The following ARHGAP31 variants were observed in gnomAD, a reference collection of about 807,000 sequenced individuals.
The protein encoded by ARHGAP31 is rho GTPase-activating protein 31.
ARHGAP31 carries 34 observed loss-of-function variants against 113.9 expected under a neutral mutation model. That is an observed-to-expected ratio of 0.30 (90% CI 0.23 to 0.40). The LOEUF is 0.40. Among genes scored for constraint, ARHGAP31 ranks in the 10% least tolerant of loss-of-function variants. The pLI is 1.00. For missense variants in ARHGAP31, 1,548 were observed against 1,767.1 expected (o/e 0.88, Z 2.22); for synonymous variants, 650 against 684.8 (o/e 0.95, Z 0.79).
chr3:119,331,298 G>A (rs944046720), intron 1 of ARHGAP31, among the ~76,000 whole-genome samples: 1 of 151,968 alleles, frequency 6.6e-6, no homozygotes, highest in Non-Finnish European at 1.5e-5. Context: ...TTGTATTTGG[G>A]AAAAAAAGAC....
At chr3:119,345,367 G>A (rs1482368718) in intron 1 of ARHGAP31, among the ~76,000 whole-genome samples, 2 of 152,142 alleles carry the variant, frequency 1.3e-5, no homozygotes, top group Non-Finnish European at 2.9e-5. Context: ...AGAGCAGCAG[G>A]TGTCCTCTGG....
intron 3 of ARHGAP31, among the ~76,000 whole-genome samples, chr3:119,376,254 T>G (rs1000403546): frequency 1.8e-4 from 28 of 152,258 alleles, no homozygotes; most frequent in African/African-American, 6.7e-4. Flanking sequence ...TTCGGGAGGC[T>G]GAGGTGGGCG....
chr3:119,329,220 A>G (rs1027098274), intron 1 of ARHGAP31, among the ~76,000 whole-genome samples: 1 of 152,208 alleles, frequency 6.6e-6, no homozygotes, highest in African/African-American at 2.4e-5. Context: ...TGCCTTCTAG[A>G]TCATGGTGGC....
rs59860542 is a variant in ARHGAP31 at position 119,296,332 on chromosome 3, A to G, written c.100+1328A>G. Among the ~76,000 whole-genome samples the G allele has an allele frequency of 1.2e-3, 183 of 152,346 alleles. 1 individual carries two copies. The highest frequency in any genetic ancestry group is 4.3e-3 in the African/African-American group (177 of 41,578). On this transcript the variant is annotated intron_variant, in intron 1 of 11. Transcript: ENST00000264245. ...TCTTTTGAAATTGATGCATAACTTA[A>G]CACTTCATTGAATCCTCACCAACCA... is the stretch of plus-strand genomic sequence containing the variant.
At chr3:119,305,804 C>T (rs551625572) in intron 1 of ARHGAP31, among the ~76,000 whole-genome samples, 5 of 152,294 alleles carry the variant, frequency 3.3e-5, no homozygotes, top group South Asian at 2.1e-4. Flanking sequence ...AGGACAGAAA[C>T]GCTGCTTGGG....
At chr3:119,307,993 G>T in intron 1 of ARHGAP31, among the ~76,000 whole-genome samples, 1 of 139,122 alleles carries the variant, frequency 7.2e-6, no homozygotes. Context: ...CAGCAGCAGA[G>T]TATATAGATC....
chr3:119,413,864 T>C lies in ARHGAP31; in HGVS notation c.1935T>C (p.Asp645=). ...TTATTGATGTTTTTCAGGATGAAGATGATCTGGCCAATGCCCTGATCTGGC... is the reference window on the plus strand; with the variant it reads ...TTATTGATGTTTTTCAGGATGAAGACGATCTGGCCAATGCCCTGATCTGGC... The part of the protein sequence containing the change: ...EAVLLHEMDE[D]DLANALIWPE... The change falls in exon 12 of 12, where the codon GAT becomes GAC. Residue 645 remains aspartate (D), a synonymous_variant. Transcript: ENST00000264245. 1.2e-6 allele frequency: 2 copies of C among 1,614,238 alleles called. No homozygotes were observed. Among genetic ancestry groups the C allele is most frequent in the South Asian group, 2.2e-5 (2 of 91,082 alleles).
rs372044693 is a variant in ARHGAP31 at position 119,390,827 on chromosome 3, C to A, written c.725C>A (p.Ser242Tyr). ...IMKSLTLPAL[S>Y]LPMKLVSLEE... ...AAGAGCCTGACCTTGCCAGCCCTCT[C>A]CCTGCCCATGAAGCTGGTGAGCCTT... is the stretch of plus-strand genomic sequence containing the variant. The change falls in exon 7 of 12, where the codon TCC becomes TAC. Residue 242 changes from serine (S) to tyrosine (Y), a missense_variant. Coordinates refer to ENST00000264245, the MANE Select transcript of ARHGAP31 (RefSeq NM_020754.4). 7 of 1,613,364 alleles carry A rather than the reference C, an allele frequency of 4.3e-6. No individual in the cohort carries two copies. In the African/African-American group the frequency reaches 9.3e-5, roughly 22 times the overall value.
At position 119,392,944 on chromosome 3, in the gene ARHGAP31, C is replaced by T. The variant is rs147109105; in HGVS notation, c.882-523C>T. ...TGCATATGGTCTTTAGTGTTTACTC[C>T]TGTATAAAAACTGGCCATGTGTGGT... On this transcript the variant is annotated intron_variant, in intron 7 of 11. Transcript: ENST00000264245. Among the ~76,000 whole-genome samples the T allele has an allele frequency of 9.2e-5, 14 of 152,270 alleles. No individual in the cohort carries two copies. The East Asian group carries it at 2.7e-3, about 29-fold the overall frequency.
Position 119,415,741 on chromosome 3 carries a change from A to G in ARHGAP31, c.3812A>G (p.Lys1271Arg). ...CCAAAGCAAGATCCCGGAGCCATTA[A>G]GTCCTCACCAGTGGATGCCACTGCA... is the stretch of plus-strand genomic sequence containing the variant. ...EKPKQDPGAI[K>R]SSPVDATAPC... Residue 1271 changes from lysine (K) to arginine (R), a missense_variant, in exon 12 of 12, where the codon AAG (lysine) becomes AGG (arginine). Lys to Arg is a conservative substitution (Grantham distance 26). Transcript: ENST00000264245. The G allele has an allele frequency of 6.2e-7, 1 of 1,614,186 alleles. No individual in the cohort carries two copies. The highest frequency in any genetic ancestry group is 8.5e-7 in the Non-Finnish European group (1 of 1,180,026).
chr3:119,335,948 G>A lies in ARHGAP31; in HGVS notation c.101-29368G>A, dbSNP rs888530924. Among the ~76,000 whole-genome samples, 6 of 152,120 alleles carry A rather than the reference G, an allele frequency of 3.9e-5. No individual in the cohort carries two copies. The East Asian group carries it at 5.8e-4, about 15-fold the overall frequency. On this transcript the variant is annotated intron_variant, in intron 1 of 11. Coordinates refer to ENST00000264245, the MANE Select transcript of ARHGAP31 (RefSeq NM_020754.4). ...AGCATTTTGGGAGGCCAAGGTGTGCGGATCACTTGAGGTCAGGAGGTCGAG... is the reference window on the plus strand; with the variant it reads ...AGCATTTTGGGAGGCCAAGGTGTGCAGATCACTTGAGGTCAGGAGGTCGAG...
intron 1 of ARHGAP31, among the ~76,000 whole-genome samples, chr3:119,362,791 G>A: frequency 6.7e-6 from 1 of 149,636 alleles, no homozygotes; most frequent in East Asian, 1.9e-4. Flanking sequence ...AAAGGCGGGG[G>A]GTGGAGTAGA....
At chr3:119,382,652 T>A (rs2080411827) in intron 5 of ARHGAP31, among the ~76,000 whole-genome samples, 1 of 152,226 alleles carries the variant, frequency 6.6e-6, no homozygotes. Flanking sequence ...TATGGGTCTG[T>A]ATGTTAAAAT....
At position 119,416,052 on chromosome 3, in the gene ARHGAP31, C is replaced by T. The variant is rs548517177; in HGVS notation, c.4123C>T (p.Pro1375Ser). 4 of 1,614,200 alleles carry T rather than the reference C, an allele frequency of 2.5e-6. No homozygotes were observed. The African/African-American group carries it at 4.0e-5, about 16-fold the overall frequency. ...TVTDSKVLLS[P>S]IRSPTQTVSP... Reference sequence around the variant, plus strand: ...GACAGATTCCAAGGTCCTGCTGTCCCCTATCAGAAGTCCCACCCAGACAGT... The same window carrying T: ...GACAGATTCCAAGGTCCTGCTGTCCTCTATCAGAAGTCCCACCCAGACAGT... Residue 1375 changes from proline to serine, a missense_variant, in exon 12 of 12, where the codon CCT (proline) becomes TCT (serine). Physicochemically the swap from Pro to Ser is moderately conservative, Grantham distance 74. Transcript: ENST00000264245.
At chr3:119,337,190 G>A (rs1228843047) in intron 1 of ARHGAP31, among the ~76,000 whole-genome samples, 1 of 152,190 alleles carries the variant, frequency 6.6e-6, no homozygotes. Flanking sequence ...AGTTCTTAGA[G>A]ACGGTTTATC....
intron 1 of ARHGAP31, among the ~76,000 whole-genome samples, chr3:119,357,074 A>G (rs2080164940): frequency 6.6e-6 from 1 of 152,188 alleles, no homozygotes; most frequent in Non-Finnish European, 1.5e-5. Flanking sequence ...AAACTTAGGT[A>G]CCTTTGCCAA....
At chr3:119,375,382 G>A (rs72966417) in intron 3 of ARHGAP31, among the ~76,000 whole-genome samples, 2,711 of 152,158 alleles carry the variant, frequency 0.018, 89 homozygotes, top group African/African-American at 0.062. Context: ...CTGCCTCCAG[G>A]GCCACATTGC....
chr3:119,334,509 G>A (rs540299120), intron 1 of ARHGAP31, among the ~76,000 whole-genome samples: 30 of 152,314 alleles, frequency 2.0e-4, no homozygotes, highest in African/African-American at 6.5e-4. Flanking sequence ...TGGTCCCCTC[G>A]AAGTCATGCC....
At chr3:119,332,846 G>A (rs1227675032) in intron 1 of ARHGAP31, among the ~76,000 whole-genome samples, 1 of 152,082 alleles carries the variant, frequency 6.6e-6, no homozygotes, top group Non-Finnish European at 1.5e-5. Flanking sequence ...CAGAGGTCAA[G>A]GTACTTTCAC....
Sources: gnomAD v4.1 joint callset for allele counts (sites outside exome capture counted in the v4.1 genomes callset) on GRCh38, gnomAD v4.1.1 for gene constraint, MANE v1.5 for transcripts, NCBI Gene and HGNC (gene_info 2026-07-23, HGNC 2026-07-21) for gene names.